The following BAG3 variants were observed in gnomAD, a reference collection of about 807,000 sequenced individuals.
BAG3 encodes BAG family molecular chaperone regulator 3.
In BAG3, 14 loss-of-function variants were observed where a neutral mutation model predicts 40.5. The observed-to-expected ratio is 0.35, with a 90% CI of 0.23 to 0.54. BAG3 has a LOEUF of 0.54. Ranked by LOEUF, BAG3 falls within the 20% of genes least tolerant of loss-of-function variation. The pLI is 0.91. For synonymous variants in BAG3, 302 were observed against 307.8 expected (o/e 0.98, Z 0.20); for missense variants, 788 against 758.6 (o/e 1.04, Z -0.46).
At chr10:119,665,971 C>T (rs1348101161) in intron 1 of BAG3, among the ~76,000 whole-genome samples, 6 of 152,250 alleles carry the variant, frequency 3.9e-5, no homozygotes, top group African/African-American at 7.2e-5. Context: ...GCAGCCAGGC[C>T]GCCCTTGCCT....
intron 3 of BAG3, among the ~76,000 whole-genome samples, chr10:119,674,231 C>T (rs1437879005): frequency 1.3e-5 from 2 of 152,132 alleles, no homozygotes; most frequent in Admixed American, 6.5e-5. Flanking sequence ...AGGAGGGGTG[C>T]GTGGTTGGGT....
intron 1 of BAG3, among the ~76,000 whole-genome samples, chr10:119,653,551 AT>A (rs1350751608): frequency 6.6e-6 from 1 of 152,216 alleles, no homozygotes; most frequent in Non-Finnish European, 1.5e-5. Context: ...TTAGGCTGTG[AT>A]TTCATAAACC....
intron 1 of BAG3, among the ~76,000 whole-genome samples, chr10:119,666,562 G>GCATGAGGTGCTCAGCGAGATC (rs1847070735): frequency 6.6e-6 from 1 of 151,792 alleles, no homozygotes. Flanking sequence ...TCAGCGAGAT[G>GCATGAGGTGCTCAGCGAGATC]CACGAGGTGC....
At chr10:119,676,402 A>G in intron 3 of BAG3, 62 bp from the exon 4 acceptor site, 2 of 1,572,100 alleles carry the variant, frequency 1.3e-6, no homozygotes, top group Non-Finnish European at 1.7e-6. Context: ...TGTACTAGCT[A>G]CAAACAATTT....
At chr10:119,670,755 A>G (rs1847139090) in intron 2 of BAG3, among the ~76,000 whole-genome samples, 1 of 152,322 alleles carries the variant, frequency 6.6e-6, no homozygotes, top group East Asian at 1.9e-4. Context: ...CCTGAAGCCA[A>G]ACATCTCAGG....
chr10:119,668,366 G>A (rs1350399580), intron 1 of BAG3, among the ~76,000 whole-genome samples: 1 of 152,254 alleles, frequency 6.6e-6, no homozygotes, highest in Admixed American at 6.5e-5. Context: ...GATTGATTCC[G>A]CAGCAGTAGA....
At chr10:119,666,810 G>A (rs1589627361) in intron 1 of BAG3, among the ~76,000 whole-genome samples, 2 of 152,098 alleles carry the variant, frequency 1.3e-5, no homozygotes, top group East Asian at 3.9e-4. Context: ...GGGGTTTGAT[G>A]GAGTTTTACA....
chr10:119,666,047 G>A (rs997462935), intron 1 of BAG3, among the ~76,000 whole-genome samples: 4 of 152,114 alleles, frequency 2.6e-5, no homozygotes, highest in Admixed American at 6.6e-5. Flanking sequence ...CCTCACGCAC[G>A]GTGGAGACCT....
Position 119,676,857 on chromosome 10 carries a change from C to A in BAG3, c.1303C>A (p.Leu435Met). 1 of 1,614,174 alleles carries A rather than the reference C, an allele frequency of 6.2e-7. No individual in the cohort carries two copies. Among genetic ancestry groups the A allele is most frequent in the Non-Finnish European group, 8.5e-7 (1 of 1,180,048 alleles). The change falls in exon 4 of 4, where the codon CTG (leucine) becomes ATG (methionine). Residue 435 changes from leucine (L) to methionine (M), a missense_variant. Coordinates refer to ENST00000369085, the MANE Select transcript of BAG3 (RefSeq NM_004281.4). ...AGCCATCCTGGAGAAGGTACAGGGG[C>A]TGGAGCAGGCTGTAGACAACTTTGA... ...VEAILEKVQGLEQAVDNFEGK... is the reference protein window; with the variant it reads ...VEAILEKVQGMEQAVDNFEGK...
Position 119,676,806 on chromosome 10 carries a change from A to G in BAG3, c.1252A>G (p.Lys418Glu). Residue 418 changes from lysine to glutamate, a missense_variant, in exon 4 of 4, where the codon AAA becomes GAA. Coordinates refer to ENST00000369085, the MANE Select transcript of BAG3 (RefSeq NM_004281.4). ...PKPGEAEAPP[K>E]HPGVLKVEAI... ...ACCAGGAGAAGCCGAGGCTCCCCCA[A>G]AACATCCAGGAGTGCTGAAAGTGGA... is the stretch of plus-strand genomic sequence containing the variant. 1 of 1,614,200 alleles carries G rather than the reference A, an allele frequency of 6.2e-7. No homozygotes were observed. The highest frequency in any genetic ancestry group is 8.5e-7 in the Non-Finnish European group (1 of 1,180,040).
Position 119,669,889 on chromosome 10 carries a change from C to T in BAG3, c.219C>T (p.Gly73=), listed in dbSNP as rs1847120232. Residue 73 remains glycine, a synonymous_variant, in exon 2 of 4, where the codon GGC becomes GGT. Transcript: ENST00000369085. ...PSSANGPSRE[G]SRLPPAREGH... ...CTGCCAATGGCCCTTCCCGGGAGGG[C>T]TCTAGGCTGCCGCCTGCTAGGGAAG... The T allele has an allele frequency of 6.2e-7, 1 of 1,614,236 alleles. No homozygotes were observed. The highest frequency in any genetic ancestry group is 8.5e-7 in the Non-Finnish European group (1 of 1,180,050).
Position 119,651,741 on chromosome 10 carries a change from G to T in BAG3, c.66G>T (p.Leu22Phe). The T allele has an allele frequency of 1.3e-6, 2 of 1,599,388 alleles. No individual in the cohort carries two copies. Among genetic ancestry groups the T allele is most frequent in the Non-Finnish European group, 8.5e-7 (1 of 1,173,494 alleles). Residue 22 changes from leucine to phenylalanine, a missense_variant, in exon 1 of 4, where the codon TTG becomes TTT. Coordinates refer to ENST00000369085, the MANE Select transcript of BAG3 (RefSeq NM_004281.4). The stretch of plus-strand genomic sequence containing the variant: ...CCGGCAACGGTGACCGCGACCCTTT[G>T]CCCCCCGGATGGGAGATCAAGATCG... Reference protein sequence around the residue: ...VASGNGDRDPLPPGWEIKIDP... With the variant: ...VASGNGDRDPFPPGWEIKIDP...
chr10:119,670,071 C>G lies in BAG3; in HGVS notation c.401C>G (p.Ser134Cys). The change falls in exon 2 of 4, where the codon TCC becomes TGC. Residue 134 changes from serine to cysteine, a missense_variant. Coordinates refer to ENST00000369085, the MANE Select transcript of BAG3 (RefSeq NM_004281.4). ...GCGGCAGCAGCGGCTCCTCAGAGGT[C>G]CCAGTCACCTCTGCGGGGCATGCCA... ...TEAAAAAPQR[S>C]QSPLRGMPET... The G allele has an allele frequency of 1.2e-6, 2 of 1,614,184 alleles. No individual in the cohort carries two copies.
Position 119,672,740 on chromosome 10 carries a change from C to A in BAG3, c.909+84C>A. ...AGCTCTGTGGGTGCCCTGGGTTCCC[C>A]CTTCATCCCTGCCTATTTAACATGC... On this transcript the variant is annotated intron_variant, in intron 3 of 3. Coordinates refer to ENST00000369085, the MANE Select transcript of BAG3 (RefSeq NM_004281.4). This position sits in a 1 kb window ranked among gnomAD's most constrained non-coding sequence, Gnocchi z 4.8. 2 of 1,571,988 alleles carry A rather than the reference C, an allele frequency of 1.3e-6. No homozygotes were observed. Among genetic ancestry groups the A allele is most frequent in the South Asian group, 1.1e-5 (1 of 89,420 alleles).
intron 1 of BAG3, among the ~76,000 whole-genome samples, chr10:119,663,910 G>A (rs536968297): frequency 6.6e-6 from 1 of 152,224 alleles, no homozygotes; most frequent in South Asian, 2.1e-4. Context: ...TGCAATGTTT[G>A]CATTTCCTGG....
At chr10:119,658,481 G>A (rs547479927) in intron 1 of BAG3, among the ~76,000 whole-genome samples, 6 of 152,330 alleles carry the variant, frequency 3.9e-5, no homozygotes, top group South Asian at 4.1e-4. Flanking sequence ...AGCATGGAGC[G>A]CTGGCTCCCT....
Position 119,672,312 on chromosome 10 carries a change from C to T in BAG3, c.565C>T (p.Pro189Ser), listed in dbSNP as rs1847161547. ...CSSSSSSASL[P>S]SSGRSSLGSH... The stretch of plus-strand genomic sequence containing the variant: ...ATCCTCATCCTCCTCGGCCAGCCTG[C>T]CTTCCTCCGGCAGGAGCAGCCTGGG... The change falls in exon 3 of 4, where the codon CCT becomes TCT. Residue 189 changes from proline to serine, a missense_variant. Transcript: ENST00000369085. This position sits in a 1 kb window ranked among gnomAD's most constrained non-coding sequence, Gnocchi z 4.8. 2 of 1,613,942 alleles carry T rather than the reference C, an allele frequency of 1.2e-6. No homozygotes were observed. The highest frequency in any genetic ancestry group is 8.5e-7 in the Non-Finnish European group (1 of 1,180,036).
chr10:119,657,040 T>C (rs1846923481), intron 1 of BAG3, among the ~76,000 whole-genome samples: 1 of 152,162 alleles, frequency 6.6e-6, no homozygotes, highest in Non-Finnish European at 1.5e-5. Flanking sequence ...CAGGCACGGC[T>C]GCTTTATACT....
chr10:119,677,251 C>T lies in BAG3; in HGVS notation c.1697C>T (p.Thr566Ile). 1 of 1,614,128 alleles carries T rather than the reference C, an allele frequency of 6.2e-7. No individual in the cohort carries two copies. Among genetic ancestry groups the T allele is most frequent in the Non-Finnish European group, 8.5e-7 (1 of 1,180,046 alleles). The change falls in exon 4 of 4, where the codon ACA becomes ATA. Residue 566 changes from threonine (T) to isoleucine (I), a missense_variant. Transcript: ENST00000369085. The stretch of plus-strand genomic sequence containing the variant: ...GCGACTTCAAACCCCAGCAGCATGA[C>T]AGACACCCCTGGTAACCCAGCAGCA... ...AAATSNPSSM[T>I]DTPGNPAAP
Sources: allele counts gnomAD v4.1 joint callset (sites outside exome capture counted in the v4.1 genomes callset), GRCh38; gene constraint gnomAD v4.1.1; non-coding constraint Gnocchi (gnomAD v3.1); transcripts MANE v1.5; gene names NCBI Gene and HGNC (gene_info 2026-07-23, HGNC 2026-07-21).